Variants in BMAL1 observed in about 807,000 individuals in gnomAD.
The protein encoded by BMAL1 is basic helix-loop-helix ARNT-like protein 1.
At chr11:13,327,236 A>C in the BMAL1 span, among the ~76,000 whole-genome samples, 1 of 151,348 alleles carries the variant, frequency 6.6e-6, no homozygotes, top group South Asian at 2.1e-4. Context: ...TCTTTTATGA[A>C]AAAAAAAAAT....
chr11:13,363,127 CATATATATATAT>C, the BMAL1 span, among the ~76,000 whole-genome samples: 1,754 of 109,882 alleles, frequency 0.016, 52 homozygotes, highest in African/African-American at 0.053. Flanking sequence ...GTCTTTATTT[CATATATATATAT>C]ATATATATAT....
the BMAL1 span, among the ~76,000 whole-genome samples, chr11:13,321,613 G>A: frequency 6.6e-6 from 1 of 152,216 alleles, no homozygotes; most frequent in East Asian, 1.9e-4. Context: ...AGTTTGATTT[G>A]TGCTGCTGGT....
At chr11:13,324,959 TAGC>T in the BMAL1 span, among the ~76,000 whole-genome samples, 2 of 152,176 alleles carry the variant, frequency 1.3e-5, no homozygotes. Flanking sequence ...AGAATTACTT[TAGC>T]GGCTGTGAAA....
chr11:13,315,611 A>C, the BMAL1 span, among the ~76,000 whole-genome samples: 2 of 152,028 alleles, frequency 1.3e-5, no homozygotes, highest in Non-Finnish European at 2.9e-5. Flanking sequence ...ACCCTTCTAT[A>C]CGCCACCGTT....
the BMAL1 span, among the ~76,000 whole-genome samples, chr11:13,277,259 G>A: frequency 6.6e-6 from 1 of 152,214 alleles, no homozygotes; most frequent in African/African-American, 2.4e-5. Flanking sequence ...TCGTCGGAAT[G>A]CCCGGAGGGG....
chr11:13,291,438 G>A, the BMAL1 span, among the ~76,000 whole-genome samples: 8 of 152,170 alleles, frequency 5.3e-5, no homozygotes, highest in Non-Finnish European at 1.0e-4. Context: ...GTGATGGAAG[G>A]GATAAGTAGA....
At chr11:13,385,614 C>T in the BMAL1 span, 35 of 1,070,720 alleles carry the variant, frequency 3.3e-5, no homozygotes, top group Admixed American at 5.8e-5. Context: ...CCCACCCCAC[C>T]CCATGCTTCA....
chr11:13,289,450 G>T, the BMAL1 span, among the ~76,000 whole-genome samples: 1 of 152,124 alleles, frequency 6.6e-6, no homozygotes, highest in Non-Finnish European at 1.5e-5. Flanking sequence ...TGTTACATAG[G>T]TATACATGTG....
At chr11:13,384,371 T>C in the BMAL1 span, among the ~76,000 whole-genome samples, 1 of 152,218 alleles carries the variant, frequency 6.6e-6, no homozygotes, top group African/African-American at 2.4e-5. Context: ...AGTGAACCAA[T>C]ATTTTGTAAC....
the BMAL1 span, among the ~76,000 whole-genome samples, chr11:13,352,754 A>G: frequency 3.9e-5 from 6 of 152,258 alleles, no homozygotes; most frequent in Non-Finnish European, 8.8e-5. Context: ...TGGTTCACTT[A>G]TCTGTCGGCC....
At chr11:13,357,299 C>CTG in the BMAL1 span, among the ~76,000 whole-genome samples, 2 of 152,248 alleles carry the variant, frequency 1.3e-5, no homozygotes, top group African/African-American at 4.8e-5. The surrounding 1 kb of genome is among the most constrained non-coding windows in gnomAD (Gnocchi z 4.8). Flanking sequence ...TTACTCTTTG[C>CTG]TGTCTAAGCA....
chr11:13,366,956 G>A, the BMAL1 span, among the ~76,000 whole-genome samples: 5 of 151,934 alleles, frequency 3.3e-5, no homozygotes, highest in African/African-American at 1.2e-4. Context: ...TATGTTCTTT[G>A]GTCTTTTACA....
At chr11:13,314,742 C>G in the BMAL1 span, among the ~76,000 whole-genome samples, 1 of 152,132 alleles carries the variant, frequency 6.6e-6, no homozygotes, top group South Asian at 2.1e-4. Flanking sequence ...CCTTTTTCCC[C>G]CTTAATCCAG....
At chr11:13,302,016 C>T in the BMAL1 span, among the ~76,000 whole-genome samples, 16 of 152,210 alleles carry the variant, frequency 1.1e-4, no homozygotes, top group Admixed American at 1.0e-3. Flanking sequence ...GACAGATGGA[C>T]AGATGCCGTA....
chr11:13,284,266 A>ATATATATATAT, the BMAL1 span, among the ~76,000 whole-genome samples: 4 of 44,880 alleles, frequency 8.9e-5, no homozygotes, highest in Admixed American at 4.7e-4. Context: ...ATATATATAT[A>ATATATATATAT]TTTTTTTTTT....
chr11:13,330,255 G>A, the BMAL1 span, among the ~76,000 whole-genome samples: 1 of 152,188 alleles, frequency 6.6e-6, no homozygotes, highest in African/African-American at 2.4e-5. Context: ...TTGGCAACAG[G>A]CACAGGGTCA....
chr11:13,356,467 AT>A, the BMAL1 span, among the ~76,000 whole-genome samples: 1 of 152,216 alleles, frequency 6.6e-6, no homozygotes, highest in Non-Finnish European at 1.5e-5. Context: ...TTTTCAAACA[AT>A]CAGAATATGG....
chr11:13,381,312 T>C, the BMAL1 span: 43 of 1,561,868 alleles, frequency 2.8e-5, no homozygotes, highest in Non-Finnish European at 3.6e-5. Context: ...ATCTGAAATG[T>C]TGGGGGTGGG....
At chr11:13,356,862 A>G in the BMAL1 span, 53 of 1,607,002 alleles carry the variant, frequency 3.3e-5, no homozygotes, top group Non-Finnish European at 4.3e-5. Context: ...TTGGGGCAGC[A>G]CCCATGTCCT....
Sources: allele counts gnomAD v4.1 joint callset (sites outside exome capture counted in the v4.1 genomes callset), GRCh38; gene constraint gnomAD v4.1.1; non-coding constraint Gnocchi (gnomAD v3.1); transcripts MANE v1.5; gene names NCBI Gene and HGNC (gene_info 2026-07-23, HGNC 2026-07-21).